The following SHLD1 variants were observed in gnomAD, a reference collection of about 807,000 sequenced individuals.
SHLD1 encodes shieldin complex subunit 1.
A neutral mutation model predicts 5.5 loss-of-function variants in SHLD1; 3 were observed. The observed-to-expected ratio is 0.54, with a 90% CI of 0.25 to 1.40. The LOEUF (loss-of-function observed/expected upper bound fraction) is 1.40. Among genes scored for constraint, SHLD1 ranks in the 40% most tolerant of loss-of-function variants. SHLD1 has a pLI of 0.15. For synonymous variants in SHLD1, 92 were observed against 94.3 expected (o/e 0.98, Z 0.14); for missense variants, 210 against 244.4 (o/e 0.86, Z 0.94).
intron 2 of SHLD1, among the ~76,000 whole-genome samples, chr20:5,852,940 T>TA (rs2088031087): frequency 6.6e-6 from 1 of 152,246 alleles, no homozygotes; most frequent in Non-Finnish European, 1.5e-5. Flanking sequence ...CAGAAGTGGT[T>TA]ACCTTTGTTT....
chr20:5,818,061 C>CT (rs1377846792), intron 2 of SHLD1, among the ~76,000 whole-genome samples: 1 of 151,884 alleles, frequency 6.6e-6, no homozygotes, highest in Non-Finnish European at 1.5e-5. Context: ...TCTTTTTCTC[C>CT]TTTTTTTCTT....
chr20:5,847,471 C>T (rs887404471), intron 2 of SHLD1, among the ~76,000 whole-genome samples: 10 of 151,910 alleles, frequency 6.6e-5, no homozygotes, highest in Middle Eastern at 6.8e-3. Flanking sequence ...ATGTAAGAGA[C>T]GGAAATAATC....
rs1290205877 is a variant in SHLD1 at position 5,772,869 on chromosome 20, G to T, written c.4G>T (p.Ala2Ser). 2 of 1,611,654 alleles carry T rather than the reference G, an allele frequency of 1.2e-6. No individual in the cohort carries two copies. The highest frequency in any genetic ancestry group is 2.7e-5 in the African/African-American group (2 of 74,856). Residue 2 changes from alanine (A) to serine (S), a missense_variant, in exon 2 of 3, where the codon GCA becomes TCA. Ala to Ser is a moderately conservative substitution (Grantham distance 99). Coordinates refer to ENST00000303142, the MANE Select transcript of SHLD1 (RefSeq NM_152504.4). M[A>S]ARDATSGSLS... ...TTCTTTTTTCCATGGCAGGACTATG[G>T]CAGCCAGGGACGCCACTTCAGGCAG... is the stretch of plus-strand genomic sequence containing the variant.
At position 5,829,007 on chromosome 20, in the gene SHLD1, G is replaced by A. The variant is rs539890760; in HGVS notation, c.179-34017G>A. Among the ~76,000 whole-genome samples the A allele has an allele frequency of 5.3e-4, 80 of 152,234 alleles. 1 individual carries two copies. Among genetic ancestry groups the A allele is most frequent in the Admixed American group, 4.1e-3 (63 of 15,296 alleles). On this transcript the variant is annotated intron_variant, in intron 2 of 2. Transcript: ENST00000303142. Reference sequence around the variant, plus strand: ...TCCCACCTCAGCCTCCTGAGTAGCCGAGACTACAGGCATGCACCACCATGC... The same window carrying A: ...TCCCACCTCAGCCTCCTGAGTAGCCAAGACTACAGGCATGCACCACCATGC...
chr20:5,817,418 CTCTCTCTCTCTCTCTGTGTGTGTGTG>C (rs1367333391), intron 2 of SHLD1, among the ~76,000 whole-genome samples: 2,653 of 136,558 alleles, frequency 0.019, 79 homozygotes, highest in African/African-American at 0.074. Context: ...CTCTCTCTCT[CTCTCTCTCTCTCTCTGTGTGTGTGTG>C]TGTGTGTGTG....
At chr20:5,791,056 G>A (rs2087131341) in intron 2 of SHLD1, among the ~76,000 whole-genome samples, 1 of 152,026 alleles carries the variant, frequency 6.6e-6, no homozygotes, top group African/African-American at 2.4e-5. Flanking sequence ...CTAGCTACTT[G>A]GGAGGCTGAG....
intron 1 of SHLD1, among the ~76,000 whole-genome samples, chr20:5,750,817 A>G (rs2122151962): frequency 6.6e-6 from 1 of 152,104 alleles, no homozygotes; most frequent in Non-Finnish European, 1.5e-5. Context: ...CTACTAAGTA[A>G]AATTTGCCCA....
intron 2 of SHLD1, 86 bp from the exon 3 acceptor site, chr20:5,862,938 C>T (rs1209357650): frequency 8.3e-7 from 1 of 1,209,300 alleles, no homozygotes; most frequent in Non-Finnish European, 1.2e-6. Context: ...GCATGTTGAA[C>T]TGAAAATAGA....
At chr20:5,774,032 T>C (rs1165451059) in intron 2 of SHLD1, among the ~76,000 whole-genome samples, 6 of 151,976 alleles carry the variant, frequency 3.9e-5, no homozygotes, top group African/African-American at 1.2e-4. Context: ...GGTGAAACCC[T>C]GTCTCTACTA....
chr20:5,796,485 C>T (rs1376429978), intron 2 of SHLD1, among the ~76,000 whole-genome samples: 1 of 151,912 alleles, frequency 6.6e-6, no homozygotes, highest in African/African-American at 2.4e-5. Flanking sequence ...AAACCCATAG[C>T]GAATTCCCTA....
At chr20:5,796,937 A>C (rs542872554) in intron 2 of SHLD1, among the ~76,000 whole-genome samples, 1 of 152,182 alleles carries the variant, frequency 6.6e-6, no homozygotes, top group Admixed American at 6.6e-5. Context: ...TCAAATATTA[A>C]CTCAACCTTC....
intron 2 of SHLD1, among the ~76,000 whole-genome samples, chr20:5,841,767 A>G (rs1351255520): frequency 6.6e-6 from 1 of 152,240 alleles, no homozygotes. Flanking sequence ...ATCTCTTCAA[A>G]GAGTGAATAT....
chr20:5,782,032 C>G (rs1052117524), intron 2 of SHLD1, among the ~76,000 whole-genome samples: 1 of 152,150 alleles, frequency 6.6e-6, no homozygotes, highest in African/African-American at 2.4e-5. Flanking sequence ...GCTGAGCCAA[C>G]TGTTAATGTC....
chr20:5,767,099 C>A (rs1334233009), intron 1 of SHLD1, among the ~76,000 whole-genome samples: 1 of 151,384 alleles, frequency 6.6e-6, no homozygotes, highest in Non-Finnish European at 1.5e-5. Flanking sequence ...CTCAGCTCCT[C>A]TTTAACACAT....
chr20:5,758,754 G>A (rs1272115053), intron 1 of SHLD1, among the ~76,000 whole-genome samples: 1 of 151,944 alleles, frequency 6.6e-6, no homozygotes, highest in Non-Finnish European at 1.5e-5. Flanking sequence ...TTTTGAGATG[G>A]AGGATAGGAA....
intron 2 of SHLD1, among the ~76,000 whole-genome samples, chr20:5,780,433 C>T (rs80121733): frequency 0.021 from 3,142 of 152,182 alleles, 103 homozygotes; most frequent in African/African-American, 0.071. Flanking sequence ...AGAGAATACC[C>T]AGAAATCCAG....
rs369186980 is a variant in SHLD1, at chr20:5,814,724, A to C, written c.178+41681A>C. 1.1e-3 allele frequency among the ~76,000 whole-genome samples: 152 copies of C among 140,150 alleles called. 1 individual carries two copies. The highest frequency in any genetic ancestry group is 4.1e-3 in the African/African-American group (148 of 36,514). 91.9% of individuals were successfully genotyped at this position (140,150 alleles called of 152,430 possible). A position where few individuals can be genotyped will look rare whatever the true frequency, so the allele number is the denominator to read the frequency against. ...ACCCAGGCTGCAGTGCAGTGGTGCAATTTCCTCAGCTCACTGCAACCTCTG... is the reference window on the plus strand; with the variant it reads ...ACCCAGGCTGCAGTGCAGTGGTGCACTTTCCTCAGCTCACTGCAACCTCTG... On this transcript the variant is annotated intron_variant, in intron 2 of 2. Transcript: ENST00000303142.
intron 1 of SHLD1, among the ~76,000 whole-genome samples, chr20:5,771,492 G>A (rs1479667664): frequency 1.3e-5 from 2 of 152,130 alleles, no homozygotes; most frequent in Admixed American, 6.6e-5. Context: ...TCTTTGTGTA[G>A]GTTCTGTGCT....
intron 2 of SHLD1, among the ~76,000 whole-genome samples, chr20:5,796,328 A>G (rs922285069): frequency 5.9e-5 from 9 of 152,144 alleles, no homozygotes; most frequent in Admixed American, 3.3e-4. Context: ...AATGTTATTA[A>G]TATATTACTA....
Sources: allele counts gnomAD v4.1 joint callset (sites outside exome capture counted in the v4.1 genomes callset), GRCh38; gene constraint gnomAD v4.1.1; transcripts MANE v1.5; gene names NCBI Gene and HGNC (gene_info 2026-07-23, HGNC 2026-07-21).